The following TOP1 variants were observed in gnomAD, a reference collection of about 807,000 sequenced individuals.
TOP1 encodes DNA topoisomerase 1.
Under a neutral mutation model 111.1 loss-of-function variants are expected in TOP1, and 10 were observed. The observed-to-expected ratio is 0.09, with a 90% confidence interval of 0.06 to 0.15. The LOEUF (loss-of-function observed/expected upper bound fraction) is 0.15, where lower values mean the gene tolerates loss of function less well. Among genes scored for constraint, TOP1 ranks in the 10% least tolerant of loss-of-function variants. The pLI is 1.00. For missense variants in TOP1, 474 were observed against 926.7 expected, an observed-to-expected ratio of 0.51 and a Z score of 6.34; for synonymous variants, 271 against 302.9, an observed-to-expected ratio of 0.89 and a Z score of 1.10.
rs1397043349 is a variant in TOP1, at chr20:41,098,445, C to A, written c.975+108C>A. ...AACATTAACATCAGTAATTTCACATCATTCTATGCTAAAGACTTAGAGTTC... is the reference window on the plus strand; with the variant it reads ...AACATTAACATCAGTAATTTCACATAATTCTATGCTAAAGACTTAGAGTTC... On this transcript the variant is annotated intron_variant, in intron 11 of 20. Transcript: ENST00000361337. This position sits in a 1 kb window ranked among gnomAD's most constrained non-coding sequence, Gnocchi z 5.7. 3 of 1,232,766 alleles carry A rather than the reference C, an allele frequency of 2.4e-6. No homozygotes were observed. The African/African-American group carries it at 4.6e-5, about 19-fold the overall frequency. 76.4% of individuals were successfully genotyped at this position (1,232,766 alleles called of 1,614,324 possible).
chr20:41,120,323 T>C (rs2034401938), intron 18 of TOP1, among the ~76,000 whole-genome samples: 1 of 152,242 alleles, frequency 6.6e-6, no homozygotes, highest in Admixed American at 6.5e-5. Context: ...AGTGATCCTC[T>C]CACAATGGTG....
At chr20:41,072,135 C>T in intron 3 of TOP1, 1 of 651,110 alleles carries the variant, frequency 1.5e-6, no homozygotes, top group Non-Finnish European at 1.9e-6. Flanking sequence ...CTAATTTAGC[C>T]CTACTGAAGT....
At chr20:41,085,989 A>T (rs1300613291) in intron 8 of TOP1, among the ~76,000 whole-genome samples, 1 of 152,220 alleles carries the variant, frequency 6.6e-6, no homozygotes, top group Non-Finnish European at 1.5e-5. Context: ...AAGGCCAGGC[A>T]CAGTGGCTCG....
chr20:41,120,461 A>G (rs2034404644), intron 18 of TOP1, among the ~76,000 whole-genome samples: 1 of 152,210 alleles, frequency 6.6e-6, no homozygotes, highest in Non-Finnish European at 1.5e-5. Flanking sequence ...ATAGATGACC[A>G]TAGGTATGGG....
intron 18 of TOP1, among the ~76,000 whole-genome samples, chr20:41,120,755 T>TC (rs2034409417): frequency 6.6e-6 from 1 of 152,222 alleles, no homozygotes; most frequent in South Asian, 2.1e-4. Flanking sequence ...CTCTCCTTTT[T>TC]TTTTGAGACG....
At chr20:41,108,082 T>C (rs4142394) in intron 13 of TOP1, among the ~76,000 whole-genome samples, 17,876 of 152,246 alleles carry the variant, frequency 0.12, 2,134 homozygotes, top group East Asian at 0.47. Context: ...GTTTTTGTAA[T>C]AGAATGTTGA....
intron 2 of TOP1, among the ~76,000 whole-genome samples, chr20:41,048,690 T>C (rs938370208): frequency 2.0e-5 from 3 of 152,234 alleles, no homozygotes; most frequent in Non-Finnish European, 4.4e-5. Context: ...CTGGCTCTAA[T>C]TGCGCCTAGA....
intron 2 of TOP1, among the ~76,000 whole-genome samples, chr20:41,048,720 T>C: frequency 6.6e-6 from 1 of 152,370 alleles, no homozygotes; most frequent in South Asian, 2.1e-4. Context: ...TCAGAAGACC[T>C]TCTTGTAGAT....
chr20:41,065,991 C>T (rs910455776), intron 3 of TOP1, among the ~76,000 whole-genome samples: 11 of 151,984 alleles, frequency 7.2e-5, no homozygotes, highest in African/African-American at 2.2e-4. Context: ...AACCTTTGAC[C>T]GTGAACAGTA....
rs907391890 is a variant in TOP1, at chr20:41,058,982, G to A, written c.59-2412G>A. Among the ~76,000 whole-genome samples the A allele has an allele frequency of 1.3e-5, 2 of 152,108 alleles. No individual in the cohort carries two copies. The highest frequency in any genetic ancestry group is 4.8e-5 in the African/African-American group (2 of 41,420). ...GCGCATGTACACCACGGAATACTGT[G>A]CAGCCATAAGAAGAACGAGATTGTG... On this transcript the variant is annotated intron_variant, in intron 2 of 20. Transcript: ENST00000361337. The surrounding 1 kb of genome is among the most constrained non-coding windows in gnomAD (Gnocchi z 4.2).
chr20:41,118,282 A>C lies in TOP1; in HGVS notation c.1936A>C (p.Asn646His). ...PPKTFEKSMMNLQTKIDAKKE... is the reference protein window; with the variant it reads ...PPKTFEKSMMHLQTKIDAKKE... ...AAAAACTTTTGAGAAGTCTATGATG[A>C]ACTTGCAAACTAAGGTATCTTGGAT... Residue 646 changes from asparagine (N) to histidine (H), a missense_variant, in exon 18 of 21, where the codon AAC (asparagine) becomes CAC (histidine). Asn to His is a moderately conservative substitution (Grantham distance 68). Around this residue, in one of 14 missense-constraint regions of TOP1, gnomAD observed 13 missense variants for 56.8 expected, o/e 0.23. Coordinates refer to ENST00000361337, the MANE Select transcript of TOP1 (RefSeq NM_003286.4). This position sits in a 1 kb window ranked among gnomAD's most constrained non-coding sequence, Gnocchi z 4.6. The C allele has an allele frequency of 6.2e-7, 1 of 1,614,110 alleles. No homozygotes were observed. The highest frequency in any genetic ancestry group is 8.5e-7 in the Non-Finnish European group (1 of 1,179,968).
intron 3 of TOP1, among the ~76,000 whole-genome samples, chr20:41,065,670 T>C (rs183968146): frequency 6.6e-6 from 1 of 152,372 alleles, no homozygotes. Context: ...ATTTATCTTT[T>C]TTAAATCTGT....
In TOP1 at chr20:41,118,046, A is replaced by T; in HGVS notation, c.1823-123A>T. On this transcript the variant is annotated intron_variant, in intron 17 of 20. Coordinates refer to ENST00000361337, the MANE Select transcript of TOP1 (RefSeq NM_003286.4). The surrounding 1 kb of genome is among the most constrained non-coding windows in gnomAD (Gnocchi z 4.6). ...TTAGTCCTTGGGGGCAATTTGAATT[A>T]ATCATCTGAGTAAGATAAGAGCCAG... is the stretch of plus-strand genomic sequence containing the variant. The T allele has an allele frequency of 9.1e-7, 1 of 1,093,512 alleles. No individual in the cohort carries two copies. Among genetic ancestry groups the T allele is most frequent in the Non-Finnish European group, 1.3e-6 (1 of 784,992 alleles). The allele number at this position is 1,093,512 out of a possible 1,614,324, so 67.7% of individuals were successfully genotyped here.
rs2034038073 is a variant in TOP1 at position 41,100,053 on chromosome 20, C to T, written c.976-3C>T. ...TTTTGAGTACTTTCTTGCTGTCTTC[C>T]AGAAAATCAAAGAGGAGAATGAAAA... On this transcript the variant is annotated splice_region_variant and splice_polypyrimidine_tract_variant and intron_variant, in intron 11 of 20. Coordinates refer to ENST00000361337, the MANE Select transcript of TOP1 (RefSeq NM_003286.4). This position sits in a 1 kb window ranked among gnomAD's most constrained non-coding sequence, Gnocchi z 4.4. 2 of 1,601,962 alleles carry T rather than the reference C, an allele frequency of 1.2e-6. No homozygotes were observed. Among genetic ancestry groups the T allele is most frequent in the East Asian group, 2.2e-5 (1 of 44,702 alleles).
At chr20:41,035,557 G>C (rs2033174707) in intron 2 of TOP1, among the ~76,000 whole-genome samples, 1 of 152,180 alleles carries the variant, frequency 6.6e-6, no homozygotes, top group South Asian at 2.1e-4. Context: ...GAATTTAACA[G>C]ATCCCTGGGT....
At chr20:41,031,438 T>C (rs2033118523) in intron 2 of TOP1, among the ~76,000 whole-genome samples, 2 of 152,208 alleles carry the variant, frequency 1.3e-5, no homozygotes, top group African/African-American at 4.8e-5. Context: ...CTCACCTAAG[T>C]CACGTGAATG....
At chr20:41,076,056 C>G in intron 3 of TOP1, 115 bp from the exon 4 acceptor site, 1 of 1,051,426 alleles carries the variant, frequency 9.5e-7, no homozygotes. Context: ...TCTGTCGGTA[C>G]TGTTTGTTTA....
At chr20:41,117,610 C>T (rs949700761) in intron 17 of TOP1, among the ~76,000 whole-genome samples, 6 of 151,890 alleles carry the variant, frequency 4.0e-5, no homozygotes, top group Admixed American at 3.9e-4. Context: ...TGGTCTCGAT[C>T]TCCTGACCTT....
chr20:41,098,325 G>T lies in TOP1; in HGVS notation c.963G>T (p.Lys321Asn). 5 of 1,613,686 alleles carry T rather than the reference G, an allele frequency of 3.1e-6. No homozygotes were observed. Among genetic ancestry groups the T allele is most frequent in the Non-Finnish European group, 4.2e-6 (5 of 1,179,826 alleles). ...AQTEARKQMS[K>N]EEKLKIKEEN... ...CGGAAGCTCGGAAACAGATGAGCAA[G>T]GAAGAGAAACTGGTACTACAGAATT... Residue 321 changes from lysine (K) to asparagine (N), a missense_variant, in exon 11 of 21, where the codon AAG (lysine) becomes AAT (asparagine). By Grantham distance (94) the Lys-to-Asn change is moderately conservative. Coordinates refer to ENST00000361337, the MANE Select transcript of TOP1 (RefSeq NM_003286.4). The surrounding 1 kb of genome is among the most constrained non-coding windows in gnomAD (Gnocchi z 5.7).
Sources: gnomAD v4.1 joint callset for allele counts (sites outside exome capture counted in the v4.1 genomes callset) on GRCh38, gnomAD v4.1.1 for gene constraint, gnomAD v4.1.1 regional missense constraint, Gnocchi (gnomAD v3.1) non-coding constraint, MANE v1.5 for transcripts, NCBI Gene and HGNC (gene_info 2026-07-23, HGNC 2026-07-21) for gene names.